The following AXDND1 variants were observed in gnomAD, a reference collection of about 807,000 sequenced individuals.
AXDND1 encodes axonemal dynein light chain domain containing 1, also known as axonemal dynein light chain domain-containing protein 1.
AXDND1 carries 110 observed loss-of-function variants against 137.5 expected under a neutral mutation model. The observed-to-expected ratio is 0.80, with a 90% CI of 0.69 to 0.94. The LOEUF (loss-of-function observed/expected upper bound fraction) is 0.94. Among genes scored for constraint, AXDND1 ranks in the 40% least tolerant of loss-of-function variants. The probability of loss-of-function intolerance (pLI) is 0.00; values close to 1 mark genes in which losing one functional copy is unlikely to be tolerated. For missense variants in AXDND1, 1,191 were observed against 1,169.8 expected, an observed-to-expected ratio of 1.02 and a Z score of -0.26; for synonymous variants, 414 against 399.7, an observed-to-expected ratio of 1.04 and a Z score of -0.43.
At chr1:179,464,706 G>A (rs1016983278) in intron 16 of AXDND1, among the ~76,000 whole-genome samples, 1 of 152,208 alleles carries the variant, frequency 6.6e-6, no homozygotes, top group Non-Finnish European at 1.5e-5. Context: ...ATCCTGAAGA[G>A]TGTTTTCCAA....
At chr1:179,515,910 C>G (rs972340906) in intron 21 of AXDND1, among the ~76,000 whole-genome samples, 3 of 151,962 alleles carry the variant, frequency 2.0e-5, no homozygotes, top group Non-Finnish European at 4.4e-5. Flanking sequence ...TTTACTATAC[C>G]TTTTCTATGT....
intron 21 of AXDND1, among the ~76,000 whole-genome samples, chr1:179,514,026 AT>A (rs1465136286): frequency 6.6e-6 from 1 of 151,248 alleles, no homozygotes; most frequent in Non-Finnish European, 1.5e-5. Flanking sequence ...TTTTTGTTTC[AT>A]TTATCTTTTG....
intron 21 of AXDND1, among the ~76,000 whole-genome samples, chr1:179,521,268 T>TATAAATA (rs1670035406): frequency 6.6e-6 from 1 of 152,170 alleles, no homozygotes; most frequent in Admixed American, 6.5e-5. Flanking sequence ...TAATTTTATA[T>TATAAATA]GCTGTGACTT....
At chr1:179,527,328 T>C (rs1670624053) in intron 22 of AXDND1, among the ~76,000 whole-genome samples, 2 of 152,198 alleles carry the variant, frequency 1.3e-5, no homozygotes, top group East Asian at 1.9e-4. Flanking sequence ...CCGGCTTCTT[T>C]ACTGCAACCT....
At chr1:179,491,088 C>G (rs571424506) in intron 18 of AXDND1, among the ~76,000 whole-genome samples, 1 of 152,176 alleles carries the variant, frequency 6.6e-6, no homozygotes, top group African/African-American at 2.4e-5. Flanking sequence ...CTTTGGGAGG[C>G]TGAGGTGGGC....
rs780160086 is a variant in AXDND1, at chr1:179,488,645, T to TTCTTTCTTTC, written c.2092-2891_2092-2882dup. On this transcript the variant is annotated intron_variant, in intron 18 of 25. Coordinates refer to ENST00000367618, the MANE Select transcript of AXDND1 (RefSeq NM_144696.6). The stretch of plus-strand genomic sequence containing the variant: ...CTCTCTCTCTCTCTCCTTTCTTTCT[T>TTCTTTCTTTC]TCTTTCTTTCTTTCTTTCTTTCTTT... Among the ~76,000 whole-genome samples the TTCTTTCTTTC allele has an allele frequency of 1.2e-3, 87 of 70,392 alleles. 7 individuals carry two copies. Among genetic ancestry groups the TTCTTTCTTTC allele is most frequent in the African/African-American group, 4.4e-3 (70 of 15,826 alleles). The allele number at this position is 70,392 out of a possible 152,430, so 46.2% of individuals were successfully genotyped here.
At chr1:179,381,941 T>TA (rs1160741178) in intron 6 of AXDND1, among the ~76,000 whole-genome samples, 1,192 of 67,828 alleles carry the variant, frequency 0.018, 21 homozygotes, top group African/African-American at 0.061. Context: ...CCACCACACC[T>TA]AATTTTTTTT....
At chr1:179,440,036 G>A (rs965468002) in intron 15 of AXDND1, among the ~76,000 whole-genome samples, 1 of 152,132 alleles carries the variant, frequency 6.6e-6, no homozygotes, top group African/African-American at 2.4e-5. Flanking sequence ...TTCTGCTGGA[G>A]TCTTATCATT....
chr1:179,482,802 A>G (rs1396291124), intron 17 of AXDND1, among the ~76,000 whole-genome samples: 4 of 151,812 alleles, frequency 2.6e-5, no homozygotes. Flanking sequence ...AGAGGATTTT[A>G]AAATTCATTC....
intron 21 of AXDND1, among the ~76,000 whole-genome samples, chr1:179,525,079 C>A (rs1670406643): frequency 6.6e-6 from 1 of 152,188 alleles, no homozygotes; most frequent in African/African-American, 2.4e-5. Context: ...CCTTCCTAAC[C>A]AACTCCCTCT....
In AXDND1 at chr1:179,491,642, A is replaced by G; in HGVS notation, c.2196A>G (p.Glu732=). ...DQDCLLKLEE[E]SAEKHDIGVA... ...ACTGTCTCCTAAAGTTGGAGGAGGA[A>G]AGTGCTGAGAAACATGATATAGGAG... The change falls in exon 19 of 26, where the codon GAA becomes GAG. Residue 732 remains glutamate (E), a synonymous_variant. Coordinates refer to ENST00000367618, the MANE Select transcript of AXDND1 (RefSeq NM_144696.6). 3 of 1,613,804 alleles carry G rather than the reference A, an allele frequency of 1.9e-6. No homozygotes were observed. The highest frequency in any genetic ancestry group is 2.5e-6 in the Non-Finnish European group (3 of 1,179,878).
intron 17 of AXDND1, 164 bp downstream of exon 17, chr1:179,468,805 C>A: frequency 5.9e-6 from 3 of 504,292 alleles, no homozygotes; most frequent in Non-Finnish European, 6.5e-6. Context: ...TATTTCATCA[C>A]CTCAAAAAGA....
intron 25 of AXDND1, among the ~76,000 whole-genome samples, chr1:179,553,396 C>T (rs1673605603): frequency 6.6e-6 from 1 of 152,192 alleles, no homozygotes; most frequent in African/African-American, 2.4e-5. Context: ...TGTGGTATAG[C>T]CTCACAATGA....
chr1:179,430,250 C>T (rs899471012), intron 13 of AXDND1, among the ~76,000 whole-genome samples: 3 of 151,894 alleles, frequency 2.0e-5, no homozygotes, highest in African/African-American at 7.3e-5. Context: ...AAAAAAAAAT[C>T]TTGTCTCTTA....
rs539035398 is a variant in AXDND1 at position 179,424,523 on chromosome 1, G to A, written c.1231-4995G>A. ...GCTCACTGCAACCTCTGCCTCCCGGGTTCAAGCGATTCTCCTGCCTCAGTC... is the reference window on the plus strand; with the variant it reads ...GCTCACTGCAACCTCTGCCTCCCGGATTCAAGCGATTCTCCTGCCTCAGTC... On this transcript the variant is annotated intron_variant, in intron 12 of 25. Coordinates refer to ENST00000367618, the MANE Select transcript of AXDND1 (RefSeq NM_144696.6). 2.0e-5 allele frequency among the ~76,000 whole-genome samples: 3 copies of A among 150,986 alleles called. No homozygotes were observed. The South Asian group carries it at 6.3e-4, about 32-fold the overall frequency.
chr1:179,480,725 C>T (rs1218230640), intron 17 of AXDND1, among the ~76,000 whole-genome samples: 4 of 151,604 alleles, frequency 2.6e-5, no homozygotes, highest in Admixed American at 6.6e-5. Context: ...TTGGTTGCTA[C>T]CCCCCTCTTC....
At chr1:179,467,040 A>G (rs1182526014) in intron 16 of AXDND1, among the ~76,000 whole-genome samples, 2 of 152,120 alleles carry the variant, frequency 1.3e-5, no homozygotes, top group Non-Finnish European at 2.9e-5. Context: ...CTGTACTTCA[A>G]TTTTGTCCAC....
intron 15 of AXDND1, among the ~76,000 whole-genome samples, chr1:179,438,997 T>C (rs2125341629): frequency 6.6e-6 from 1 of 152,218 alleles, no homozygotes; most frequent in African/African-American, 2.4e-5. Context: ...CAGACTGGGA[T>C]TGGATCTCGG....
At chr1:179,422,967 T>A in intron 12 of AXDND1, among the ~76,000 whole-genome samples, 1 of 152,134 alleles carries the variant, frequency 6.6e-6, no homozygotes, top group East Asian at 1.9e-4. Flanking sequence ...TTTCACCATG[T>A]TGGCCAGGCT....
Sources: gnomAD v4.1 joint callset for allele counts (sites outside exome capture counted in the v4.1 genomes callset) on GRCh38, gnomAD v4.1.1 for gene constraint, MANE v1.5 for transcripts, NCBI Gene and HGNC (gene_info 2026-07-23, HGNC 2026-07-21) for gene names.